Variants in KDR observed in about 807,000 individuals in gnomAD.
The protein encoded by KDR is vascular endothelial growth factor receptor 2.
In KDR, 43 loss-of-function variants were observed where a neutral mutation model predicts 160.9. The observed-to-expected ratio is 0.27, with a 90% CI of 0.21 to 0.34. KDR has a LOEUF of 0.34. KDR is among the 10% of genes least tolerant of loss of function. The pLI, the probability that KDR is intolerant of heterozygous loss-of-function variation, is 1.00. For synonymous variants in KDR, 617 were observed against 600.1 expected (o/e 1.03, Z -0.41); for missense variants, 1,469 against 1,666.4 (o/e 0.88, Z 2.06).
Position 55,104,956 on chromosome 4 carries a change from G to T in KDR, c.1674C>A (p.Asp558Glu), listed in dbSNP as rs749620473. ...CGCTCTCCTGCTCAGTGGGCTGCAT[G>T]TCAGGTTGCAAAGTAATTTCAGGAC... is the stretch of plus-strand genomic sequence containing the variant. The part of the protein sequence containing the change: ...TRGPEITLQP[D>E]MQPTEQESVS... Residue 558 changes from aspartate (D) to glutamate (E), a missense_variant, in exon 13 of 30, where the codon GAC becomes GAA. Asp to Glu is a conservative substitution (Grantham distance 45). Transcript: ENST00000263923. The T allele has an allele frequency of 1.8e-5, 29 of 1,613,766 alleles. No individual in the cohort carries two copies. Among genetic ancestry groups the T allele is most frequent in the Non-Finnish European group, 2.4e-5 (28 of 1,179,862 alleles).
chr4:55,098,399 G>T, intron 16 of KDR, 127 bp from the exon 17 acceptor site: 1 of 1,130,854 alleles, frequency 8.8e-7, no homozygotes, highest in Non-Finnish European at 1.3e-6. Context: ...TGGAGTTTGA[G>T]AGTGGTCCTA....
rs914398833 is a variant in KDR, at chr4:55,078,645, T to C, written c.*1296A>G. On this transcript the variant is annotated 3_prime_UTR_variant, in exon 30 of 30. Transcript: ENST00000263923. ...TTTCTACATAAACAGACTATAAATA[T>C]ATGTGCCATAGCATGTCTTATAGTC... 3 of 232,688 alleles carry C rather than the reference T, an allele frequency of 1.3e-5. No homozygotes were observed. The highest frequency in any genetic ancestry group is 4.4e-5 in the African/African-American group (2 of 45,332). 14.4% of individuals were successfully genotyped at this position (232,688 alleles called of 1,614,324 possible).
At chr4:55,105,465 A>T (rs1271246698) in intron 12 of KDR, among the ~76,000 whole-genome samples, 2 of 152,146 alleles carry the variant, frequency 1.3e-5, no homozygotes, top group East Asian at 3.9e-4. Flanking sequence ...TGTCCTTCTG[A>T]TTGCCTCCAT....
At chr4:55,090,471 A>T (rs577399604) in intron 22 of KDR, among the ~76,000 whole-genome samples, 1 of 152,336 alleles carries the variant, frequency 6.6e-6, no homozygotes, top group Non-Finnish European at 1.5e-5. Context: ...AATGCACGGA[A>T]ATCAGAAACA....
intron 15 of KDR, among the ~76,000 whole-genome samples, chr4:55,099,547 T>G (rs1414524936): frequency 6.6e-6 from 1 of 152,194 alleles, no homozygotes; most frequent in Non-Finnish European, 1.5e-5. Context: ...TTTAAACTGA[T>G]AGTCAATATT....
Position 55,098,379 on chromosome 4 carries a change from A to T in KDR, c.2374-107T>A. 3 of 1,343,504 alleles carry T rather than the reference A, an allele frequency of 2.2e-6. 1 individual carries two copies. In the Middle Eastern group the frequency reaches 5.9e-4, roughly 264 times the overall value. The allele number at this position is 1,343,504 out of a possible 1,614,324, so 83.2% of individuals were successfully genotyped here. A position where few individuals can be genotyped will look rare whatever the true frequency, so the allele number is the denominator to read the frequency against. On this transcript the variant is annotated intron_variant, in intron 16 of 29. Transcript: ENST00000263923. ...AGCCTCATTCCTGTCTCATTTTCCAATAAAACTCATGGAGTTTGAGAGTGG... is the reference window on the plus strand; with the variant it reads ...AGCCTCATTCCTGTCTCATTTTCCATTAAAACTCATGGAGTTTGAGAGTGG...
In KDR at chr4:55,101,169, C is replaced by A. The variant is rs1037285918; in HGVS notation, c.2266+728G>T. ...ATTAGGCAGCAATTCTAATGTTTTT[C>A]CAAATAAATATAAAGGCATCATTTC... On this transcript the variant is annotated intron_variant, in intron 15 of 29. Coordinates refer to ENST00000263923, the MANE Select transcript of KDR (RefSeq NM_002253.4). Among the ~76,000 whole-genome samples, 4 of 152,070 alleles carry A rather than the reference C, an allele frequency of 2.6e-5. No individual in the cohort carries two copies. In the South Asian group the frequency reaches 8.3e-4, roughly 32 times the overall value.
At position 55,105,914 on chromosome 4, in the gene KDR, C is replaced by T. The variant is rs200769864; in HGVS notation, c.1563G>A (p.Ala521=). Residue 521 remains alanine, a synonymous_variant, in exon 12 of 30, where the codon GCG becomes GCA. Coordinates refer to ENST00000263923, the MANE Select transcript of KDR (RefSeq NM_002253.4). ...NKTVSTLVIQ[A]ANVSALYKCE... ...ATTTGTACAAAGCTGACACATTTGC[C>T]GCTTGGATAACAAGGGTACTTACAG... 94 of 1,613,170 alleles carry T rather than the reference C, an allele frequency of 5.8e-5. No homozygotes were observed. The highest frequency in any genetic ancestry group is 6.4e-5 in the Non-Finnish European group (75 of 1,179,346).
chr4:55,093,384 C>A (rs949720139), intron 21 of KDR, among the ~76,000 whole-genome samples: 1 of 152,194 alleles, frequency 6.6e-6, no homozygotes, highest in Non-Finnish European at 1.5e-5. Context: ...TCAAAATCAT[C>A]TCTTTGGTCA....
At position 55,104,970 on chromosome 4, in the gene KDR, T is replaced by A. The variant is rs769046578; in HGVS notation, c.1660A>T (p.Thr554Ser). 1 of 1,613,692 alleles carries A rather than the reference T, an allele frequency of 6.2e-7. No individual in the cohort carries two copies. The highest frequency in any genetic ancestry group is 1.1e-5 in the South Asian group (1 of 91,074). ...GTGGGCTGCATGTCAGGTTGCAAAGTAATTTCAGGACCCCCTAAAATGAAG... is the reference window on the plus strand; with the variant it reads ...GTGGGCTGCATGTCAGGTTGCAAAGAAATTTCAGGACCCCCTAAAATGAAG... ...SFHVTRGPEI[T>S]LQPDMQPTEQ... Residue 554 changes from threonine (T) to serine (S), a missense_variant, in exon 13 of 30, where the codon ACT (threonine) becomes TCT (serine). Transcript: ENST00000263923.
Position 55,096,197 on chromosome 4 carries a change from T to C in KDR, c.2728+32A>G, listed in dbSNP as rs773245043. The C allele has an allele frequency of 8.1e-6, 10 of 1,232,110 alleles. No homozygotes were observed. In the African/African-American group the frequency reaches 8.9e-5, roughly 11 times the overall value. The allele number at this position is 1,232,110 out of a possible 1,614,324, so 76.3% of individuals were successfully genotyped here. A position where few individuals can be genotyped will look rare whatever the true frequency, so the allele number is the denominator to read the frequency against. On this transcript the variant is annotated intron_variant, in intron 19 of 29. Coordinates refer to ENST00000263923, the MANE Select transcript of KDR (RefSeq NM_002253.4). ...ACACTATCAGAGAGGCATGTTAAAA[T>C]TGGGTGACCAAAACCACCCACAGTT...
At chr4:55,106,428 A>C (rs1012759166) in intron 11 of KDR, among the ~76,000 whole-genome samples, 3 of 152,192 alleles carry the variant, frequency 2.0e-5, no homozygotes, top group African/African-American at 7.2e-5. Flanking sequence ...ACATTTTTTC[A>C]TTCTCATGTT....
Position 55,118,798 on chromosome 4 carries a change from C to G in KDR, c.164G>C (p.Gly55Ala). ...CCAAAGCCAGTCCAAGTCCCTCTGT[C>G]CCCTGAAAAATTAATTTCAGGGAGG... ...ANTTLQITCR[G>A]QRDLDWLWPN... The change falls in exon 3 of 30, where the codon GGA becomes GCA. Residue 55 changes from glycine (G) to alanine (A), a missense_variant and splice_region_variant. Gly to Ala is a moderately conservative substitution (Grantham distance 60, BLOSUM62 0). Transcript: ENST00000263923. The G allele has an allele frequency of 6.2e-7, 1 of 1,613,818 alleles. No individual in the cohort carries two copies. Among genetic ancestry groups the G allele is most frequent in the South Asian group, 1.1e-5 (1 of 91,082 alleles).
At chr4:55,110,095 A>G (rs1720540074) in intron 9 of KDR, among the ~76,000 whole-genome samples, 1 of 152,206 alleles carries the variant, frequency 6.6e-6, no homozygotes, top group Non-Finnish European at 1.5e-5. Context: ...ACATGGTAGT[A>G]TAACTTAGCT....
chr4:55,101,748 G>A lies in KDR; in HGVS notation c.2266+149C>T, dbSNP rs192793128. The A allele has an allele frequency of 1.4e-3, 945 of 687,650 alleles. 4 individuals carry two copies. In the African/African-American group the frequency reaches 0.014, roughly 10 times the overall value. 42.6% of individuals were successfully genotyped at this position (687,650 alleles called of 1,614,324 possible). On this transcript the variant is annotated intron_variant, in intron 15 of 29. Transcript: ENST00000263923. Reference sequence around the variant, plus strand: ...CCACTTATAAGTGAGAATGTGTGGCGTTTGGTTTTCTGTTCCTGTGTTAGT... The same window carrying A: ...CCACTTATAAGTGAGAATGTGTGGCATTTGGTTTTCTGTTCCTGTGTTAGT...
intron 21 of KDR, 30 bp downstream of exon 21, chr4:55,094,772 C>G: frequency 1.2e-6 from 2 of 1,603,536 alleles, no homozygotes; most frequent in Non-Finnish European, 8.5e-7. Flanking sequence ...CAAGAGCATG[C>G]CATAGCATGC....
chr4:55,092,956 G>A (rs1324954306), intron 21 of KDR, among the ~76,000 whole-genome samples: 2 of 152,162 alleles, frequency 1.3e-5, no homozygotes, highest in Non-Finnish European at 1.5e-5. Flanking sequence ...AGTAAATCCA[G>A]GAGGTAGAAT....
At chr4:55,114,792 C>T in intron 5 of KDR, 82 bp downstream of exon 5, 2 of 1,249,220 alleles carry the variant, frequency 1.6e-6, no homozygotes, top group East Asian at 2.3e-5. Context: ...TTTCAATATC[C>T]TTCTTCACTC....
At chr4:55,094,375 C>T (rs1309989925) in intron 21 of KDR, among the ~76,000 whole-genome samples, 6 of 152,106 alleles carry the variant, frequency 3.9e-5, no homozygotes, top group Non-Finnish European at 5.9e-5. Flanking sequence ...TCCTAAACTG[C>T]CTTTGAGAAG....
Sources: allele counts gnomAD v4.1 joint callset (sites outside exome capture counted in the v4.1 genomes callset), GRCh38; gene constraint gnomAD v4.1.1; transcripts MANE v1.5; gene names NCBI Gene and HGNC (gene_info 2026-07-23, HGNC 2026-07-21).